The following FTO variants were observed in gnomAD, a reference collection of about 807,000 sequenced individuals.
The protein encoded by FTO is alpha-ketoglutarate-dependent dioxygenase FTO.
Under a neutral mutation model 63.9 loss-of-function variants are expected in FTO, and 47 were observed. The observed-to-expected ratio is 0.74, with a 90% CI of 0.58 to 0.94. FTO has a LOEUF of 0.94. FTO is among the 40% of genes least tolerant of loss of function. The pLI is 0.00. For missense variants in FTO, 562 were observed against 618.1 expected, an observed-to-expected ratio of 0.91 and a Z score of 0.96; for synonymous variants, 207 against 224.4, an observed-to-expected ratio of 0.92 and a Z score of 0.69.
At chr16:54,102,868 C>G (rs144566683) in intron 8 of FTO, among the ~76,000 whole-genome samples, 32 of 152,172 alleles carry the variant, frequency 2.1e-4, no homozygotes, top group African/African-American at 6.0e-4. Flanking sequence ...AGAAAGATTT[C>G]TTGTCTGTGC....
chr16:53,829,291 C>G (rs2079085578), intron 3 of FTO, among the ~76,000 whole-genome samples: 1 of 152,220 alleles, frequency 6.6e-6, no homozygotes, highest in African/African-American at 2.4e-5. Flanking sequence ...TCCAGCTTTA[C>G]TTCTCACCCA....
intron 7 of FTO, among the ~76,000 whole-genome samples, chr16:53,906,120 G>C (rs1489154451): frequency 6.6e-6 from 1 of 152,116 alleles, no homozygotes; most frequent in Non-Finnish European, 1.5e-5. Context: ...CCAGGCATCG[G>C]GGTTCAGTAG....
At chr16:53,753,986 CCATTTA>C (rs1189315528) in intron 1 of FTO, among the ~76,000 whole-genome samples, 1 of 152,170 alleles carries the variant, frequency 6.6e-6, no homozygotes, top group African/African-American at 2.4e-5. Flanking sequence ...ATTGACGTCT[CCATTTA>C]ATTTTTATAT....
chr16:54,001,673 A>G (rs1487719667), intron 8 of FTO, among the ~76,000 whole-genome samples: 1 of 151,806 alleles, frequency 6.6e-6, no homozygotes, highest in African/African-American at 2.4e-5. Context: ...CCTTTCCCCT[A>G]CTCTCCAAGC....
intron 4 of FTO, among the ~76,000 whole-genome samples, chr16:53,850,639 G>C (rs1031257098): frequency 2.6e-5 from 4 of 152,078 alleles, no homozygotes; most frequent in African/African-American, 9.6e-5. Context: ...TGCATGTCTT[G>C]AGTGCCTACT....
At chr16:53,706,159 G>C (rs2075614430) in intron 1 of FTO, among the ~76,000 whole-genome samples, 2 of 152,040 alleles carry the variant, frequency 1.3e-5, no homozygotes, top group Non-Finnish European at 2.9e-5. Context: ...AAAATTGGCT[G>C]TTCATTTAAA....
chr16:54,002,778 G>C (rs75977461), intron 8 of FTO, among the ~76,000 whole-genome samples: 1 of 152,256 alleles, frequency 6.6e-6, no homozygotes, highest in Non-Finnish European at 1.5e-5. Flanking sequence ...GATGAGGATA[G>C]AGAAAAATTG....
At chr16:54,086,000 G>T (rs79798712) in intron 8 of FTO, among the ~76,000 whole-genome samples, 1 of 152,110 alleles carries the variant, frequency 6.6e-6, no homozygotes, top group African/African-American at 2.4e-5. Flanking sequence ...TACCAAGAAC[G>T]CAGGAGGACT....
chr16:53,904,058 G>GTATATGTATCTATATTTACATATAGA (rs2151931117), intron 7 of FTO, among the ~76,000 whole-genome samples: 1 of 151,484 alleles, frequency 6.6e-6, no homozygotes, highest in Admixed American at 6.6e-5. Flanking sequence ...ATATACATGT[G>GTATATGTATCTATATTTACATATAGA]TATATGTATC....
At chr16:53,859,283 C>T (rs567030553) in intron 4 of FTO, among the ~76,000 whole-genome samples, 82 of 152,164 alleles carry the variant, frequency 5.4e-4, no homozygotes, top group Middle Eastern at 3.4e-3. Flanking sequence ...TGTCTTCTGA[C>T]CTCCTTCTTT....
intron 2 of FTO, among the ~76,000 whole-genome samples, chr16:53,810,668 T>A (rs150734486): frequency 7.9e-5 from 12 of 152,322 alleles, no homozygotes; most frequent in Admixed American, 3.9e-4. Flanking sequence ...CAGAATTCCG[T>A]GTCTCTGTCT....
At chr16:53,825,424 A>G (rs558857075) in intron 2 of FTO, among the ~76,000 whole-genome samples, 2 of 152,288 alleles carry the variant, frequency 1.3e-5, no homozygotes, top group South Asian at 2.1e-4. Context: ...CTCATCTATA[A>G]ACTGGAGATA....
intron 1 of FTO, 68 bp from the exon 2 acceptor site, chr16:53,810,072 A>AT: frequency 1.9e-6 from 2 of 1,062,246 alleles, no homozygotes; most frequent in Non-Finnish European, 2.9e-6. Flanking sequence ...TCTTATTGGA[A>AT]AAATAAGAGA....
chr16:53,857,289 A>G (rs9939200), intron 4 of FTO, among the ~76,000 whole-genome samples: 57,242 of 151,804 alleles, frequency 0.38, 13,927 homozygotes, highest in East Asian at 0.76. Context: ...CTTTGTGTCC[A>G]TGTTTACTCA....
At chr16:54,062,728 T>C (rs1029033401) in intron 8 of FTO, among the ~76,000 whole-genome samples, 1 of 152,198 alleles carries the variant, frequency 6.6e-6, no homozygotes, top group Non-Finnish European at 1.5e-5. Context: ...TGTGGCACTC[T>C]GGGGACAGTT....
rs147638310 is a variant in FTO, at chr16:54,069,160, G to A, written c.1365-42602G>A. On this transcript the variant is annotated intron_variant, in intron 8 of 8. Coordinates refer to ENST00000471389, the MANE Select transcript of FTO (RefSeq NM_001080432.3). ...TAGAAGATCCATGGGTCCCTGAGCT[G>A]GTAGAAGGAACTCTGATTACATTTT... 2.6e-5 allele frequency among the ~76,000 whole-genome samples: 4 copies of A among 152,238 alleles called. No homozygotes were observed. In the East Asian group the frequency reaches 7.7e-4, roughly 29 times the overall value.
intron 6 of FTO, among the ~76,000 whole-genome samples, chr16:53,886,013 T>C (rs76010944): frequency 6.6e-6 from 1 of 152,346 alleles, no homozygotes; most frequent in African/African-American, 2.4e-5. Flanking sequence ...CCATGGCCTC[T>C]TAAAGTGCTG....
intron 8 of FTO, among the ~76,000 whole-genome samples, chr16:54,028,685 C>T (rs1439491980): frequency 2.6e-5 from 4 of 151,996 alleles, no homozygotes; most frequent in African/African-American, 9.7e-5. Context: ...TAAATGAAAG[C>T]TAGTGATGTA....
chr16:53,726,351 G>A (rs1414259137), intron 1 of FTO, among the ~76,000 whole-genome samples: 1 of 152,064 alleles, frequency 6.6e-6, no homozygotes, highest in African/African-American at 2.4e-5. Context: ...AGACATGTAG[G>A]AACTTTCCTA....
Sources: gnomAD v4.1 joint callset for allele counts (sites outside exome capture counted in the v4.1 genomes callset) on GRCh38, gnomAD v4.1.1 for gene constraint, MANE v1.5 for transcripts, NCBI Gene and HGNC (gene_info 2026-07-23, HGNC 2026-07-21) for gene names.